SNTG1: variants seen among roughly 807,000 people sequenced by gnomAD.
SNTG1 encodes the protein gamma-1-syntrophin.
A neutral mutation model predicts 74.7 loss-of-function variants in SNTG1; 39 were observed. The ratio of observed to expected loss-of-function variants is 0.52; its 90% CI spans 0.40 to 0.68. The LOEUF (loss-of-function observed/expected upper bound fraction) is 0.68. SNTG1 is among the 30% of genes least tolerant of loss of function. The pLI is 0.00. For synonymous variants in SNTG1, 254 were observed against 217.1 expected (o/e 1.17, Z -1.49); for missense variants, 685 against 609.5 (o/e 1.12, Z -1.30).
intron 1 of SNTG1, among the ~76,000 whole-genome samples, chr8:49,950,210 C>A (rs986271274): frequency 6.6e-6 from 1 of 152,170 alleles, no homozygotes; most frequent in Non-Finnish European, 1.5e-5. Flanking sequence ...GTCATTATAT[C>A]TTTACAGACT....
chr8:49,939,721 A>T (rs1808510575), intron 1 of SNTG1, among the ~76,000 whole-genome samples: 1 of 152,176 alleles, frequency 6.6e-6, no homozygotes, highest in Non-Finnish European at 1.5e-5. Flanking sequence ...AAAATAACCA[A>T]AATGAACAAC....
chr8:50,264,091 C>A (rs1184472226), intron 2 of SNTG1, among the ~76,000 whole-genome samples: 1 of 152,052 alleles, frequency 6.6e-6, no homozygotes, highest in African/African-American at 2.4e-5. Flanking sequence ...AACAAGATAT[C>A]AAAATGAGAA....
intron 1 of SNTG1, among the ~76,000 whole-genome samples, chr8:50,043,097 A>G (rs1040194534): frequency 1.3e-5 from 2 of 152,180 alleles, no homozygotes; most frequent in African/African-American, 4.8e-5. Context: ...TTCTACTCTG[A>G]AAGAATGAAG....
intron 1 of SNTG1, among the ~76,000 whole-genome samples, chr8:50,136,552 A>C (rs1215247684): frequency 6.6e-6 from 1 of 152,072 alleles, no homozygotes; most frequent in Non-Finnish European, 1.5e-5. Flanking sequence ...AATTCAGCTA[A>C]AGGGCACAGA....
At chr8:50,465,797 A>T (rs914780986) in intron 8 of SNTG1, among the ~76,000 whole-genome samples, 2 of 152,164 alleles carry the variant, frequency 1.3e-5, no homozygotes, top group Admixed American at 1.3e-4. Context: ...GTTACTGAAG[A>T]ATATCCCATC....
chr8:50,155,125 G>T (rs2082212063), intron 1 of SNTG1, among the ~76,000 whole-genome samples: 1 of 152,130 alleles, frequency 6.6e-6, no homozygotes, highest in Non-Finnish European at 1.5e-5. Context: ...GACCAAATTT[G>T]CCACCATGCT....
At chr8:49,928,226 T>C (rs1041512391) in intron 1 of SNTG1, among the ~76,000 whole-genome samples, 1 of 43,764 alleles carries the variant, frequency 2.3e-5, no homozygotes, top group Non-Finnish European at 4.2e-5. Flanking sequence ...TCCATGCAGT[T>C]TTTTTGTTTC....
intron 15 of SNTG1, among the ~76,000 whole-genome samples, chr8:50,675,118 G>A (rs930043891): frequency 1.3e-5 from 2 of 152,046 alleles, no homozygotes; most frequent in African/African-American, 4.8e-5. Flanking sequence ...ATGCCAAGTG[G>A]CATTCAGAAT....
At chr8:50,162,952 G>T (rs1376495229) in intron 1 of SNTG1, among the ~76,000 whole-genome samples, 1 of 152,194 alleles carries the variant, frequency 6.6e-6, no homozygotes, top group Non-Finnish European at 1.5e-5. Flanking sequence ...AAATCCTTAG[G>T]AAGCCTTTCT....
chr8:50,013,930 C>T (rs1397447431), intron 1 of SNTG1, among the ~76,000 whole-genome samples: 1 of 151,884 alleles, frequency 6.6e-6, no homozygotes, highest in Non-Finnish European at 1.5e-5. Flanking sequence ...CAGTTTTCCT[C>T]TAACTCAATG....
chr8:50,623,796 T>C (rs896120845), intron 13 of SNTG1, among the ~76,000 whole-genome samples: 3 of 151,986 alleles, frequency 2.0e-5, no homozygotes, highest in African/African-American at 7.2e-5. Flanking sequence ...CATACAGAAC[T>C]AGTAATCTTT....
At chr8:50,293,855 T>C (rs2089243214) in intron 2 of SNTG1, among the ~76,000 whole-genome samples, 2 of 152,104 alleles carry the variant, frequency 1.3e-5, no homozygotes, top group South Asian at 4.1e-4. Flanking sequence ...AAATCCTACA[T>C]TTATGGGAGC....
intron 13 of SNTG1, among the ~76,000 whole-genome samples, chr8:50,600,197 T>A (rs945913780): frequency 1.3e-5 from 2 of 152,168 alleles, no homozygotes; most frequent in Admixed American, 1.3e-4. Context: ...TGAATTTGCG[T>A]TGACAGTATT....
At chr8:50,441,345 TTTACCTTATATAAGACA>T (rs2093355940) in intron 5 of SNTG1, among the ~76,000 whole-genome samples, 1 of 152,168 alleles carries the variant, frequency 6.6e-6, no homozygotes, top group Admixed American at 6.6e-5. Flanking sequence ...ATTTTTCTTC[TTTACCTTATATAAGACA>T]TTGTACAAAC....
chr8:50,750,238 G>A (rs2095564274), intron 17 of SNTG1, among the ~76,000 whole-genome samples: 1 of 151,964 alleles, frequency 6.6e-6, no homozygotes. Flanking sequence ...ATTATAACTG[G>A]AGCCTTGAAG....
At chr8:50,391,670 G>T (rs1358239570) in intron 2 of SNTG1, among the ~76,000 whole-genome samples, 6 of 152,096 alleles carry the variant, frequency 3.9e-5, no homozygotes, top group African/African-American at 1.4e-4. Context: ...TTGTACCTCT[G>T]GTAGAATTCG....
chr8:50,698,383 C>T (rs905360689), intron 15 of SNTG1, among the ~76,000 whole-genome samples: 1 of 152,082 alleles, frequency 6.6e-6, no homozygotes, highest in Non-Finnish European at 1.5e-5. Context: ...GTGCAGTTTA[C>T]TTCTAGTTGT....
chr8:50,305,865 T>G (rs937434470), intron 2 of SNTG1, among the ~76,000 whole-genome samples: 1 of 151,500 alleles, frequency 6.6e-6, no homozygotes, highest in Admixed American at 6.6e-5. Context: ...ATCACCAACA[T>G]TGCCAAAAGT....
chr8:50,186,527 C>T (rs907838639), intron 2 of SNTG1, among the ~76,000 whole-genome samples: 31 of 152,112 alleles, frequency 2.0e-4, no homozygotes, highest in Non-Finnish European at 4.4e-4. Context: ...ACAGCCTCGA[C>T]AGCAAATATT....
Sources: gnomAD v4.1 joint callset for allele counts (sites outside exome capture counted in the v4.1 genomes callset) on GRCh38, gnomAD v4.1.1 for gene constraint, MANE v1.5 for transcripts, NCBI Gene and HGNC (gene_info 2026-07-23, HGNC 2026-07-21) for gene names.